Variants in CSMD3 observed in about 807,000 individuals in gnomAD.
The protein encoded by CSMD3 is CUB and sushi domain-containing protein 3.
A neutral mutation model predicts 435.2 loss-of-function variants in CSMD3; 177 were observed. That is an observed-to-expected ratio of 0.41 (90% CI 0.36 to 0.46). The LOEUF is 0.46. Ranked by LOEUF, CSMD3 falls within the 20% of genes least tolerant of loss-of-function variation. The pLI is 0.34. For synonymous variants in CSMD3, 1,656 were observed against 1,520.5 expected, an observed-to-expected ratio of 1.09 and a Z score of -2.07; for missense variants, 4,265 against 4,504.6, an observed-to-expected ratio of 0.95 and a Z score of 1.52.
intron 1 of CSMD3, among the ~76,000 whole-genome samples, chr8:113,368,932 G>A (rs1301453077): frequency 2.0e-5 from 3 of 151,982 alleles, no homozygotes; most frequent in African/African-American, 4.8e-5. Flanking sequence ...ACCAAGGAAC[G>A]GTGGGTTTGT....
At chr8:112,612,845 G>C (rs568202283) in intron 22 of CSMD3, among the ~76,000 whole-genome samples, 1 of 149,472 alleles carries the variant, frequency 6.7e-6, no homozygotes, top group South Asian at 2.1e-4. Context: ...AGCTTCCAGA[G>C]ACACCGAAAT....
At chr8:113,272,269 G>A (rs571503362) in intron 3 of CSMD3, among the ~76,000 whole-genome samples, 2 of 152,234 alleles carry the variant, frequency 1.3e-5, no homozygotes, top group South Asian at 4.1e-4. Flanking sequence ...GTGAGATTCG[G>A]AGGGGCAAAG....
intron 4 of CSMD3, among the ~76,000 whole-genome samples, chr8:113,116,513 G>T (rs1245420591): frequency 6.6e-6 from 1 of 152,100 alleles, no homozygotes; most frequent in Non-Finnish European, 1.5e-5. Context: ...TTTATTAGCA[G>T]CATGAGAACA....
chr8:113,195,791 T>TTATATATATA lies in CSMD3; in HGVS notation c.515-21885_515-21876dup, dbSNP rs749886578. On this transcript the variant is annotated intron_variant, in intron 3 of 70. Coordinates refer to ENST00000297405, the MANE Select transcript of CSMD3 (RefSeq NM_198123.2). ...ATATATAATATTCATATCCTATATT[T>TTATATATATA]TATATATATATATATATATATATAC... is the stretch of plus-strand genomic sequence containing the variant. 9.2e-3 allele frequency among the ~76,000 whole-genome samples: 1,158 copies of TTATATATATA among 125,920 alleles called. 11 individuals carry two copies. The highest frequency in any genetic ancestry group is 0.031 in the African/African-American group (987 of 32,142). The allele number at this position is 125,920 out of a possible 152,430, so 82.6% of individuals were successfully genotyped here. A position where few individuals can be genotyped will look rare whatever the true frequency, so the allele number is the denominator to read the frequency against.
At chr8:112,269,080 C>G (rs1382363960) in intron 59 of CSMD3, among the ~76,000 whole-genome samples, 1 of 152,096 alleles carries the variant, frequency 6.6e-6, no homozygotes, top group Admixed American at 6.6e-5. Context: ...TCCAAATGTC[C>G]CCTGGGAAGC....
At chr8:112,946,724 C>T (rs1317866347) in intron 9 of CSMD3, among the ~76,000 whole-genome samples, 1 of 151,658 alleles carries the variant, frequency 6.6e-6, no homozygotes, top group Admixed American at 6.6e-5. Context: ...TTTTGAATTT[C>T]TCTTTAGTGT....
chr8:112,529,718 A>G (rs755037187), intron 27 of CSMD3, among the ~76,000 whole-genome samples: 1 of 152,116 alleles, frequency 6.6e-6, no homozygotes, highest in East Asian at 1.9e-4. Flanking sequence ...AGAGTCTGGG[A>G]AGACGGGATG....
chr8:112,410,688 GTATATATATATGTGTA>G (rs1563913552), intron 32 of CSMD3, among the ~76,000 whole-genome samples: 234 of 124,328 alleles, frequency 1.9e-3, no homozygotes, highest in East Asian at 4.6e-3. Flanking sequence ...ATATATATAT[GTATATATATATGTGTA>G]TATATATATA....
chr8:112,556,591 G>C (rs1270875527), intron 25 of CSMD3, among the ~76,000 whole-genome samples, 172 bp downstream of exon 25: 2 of 151,850 alleles, frequency 1.3e-5, no homozygotes, highest in African/African-American at 4.8e-5. Context: ...GTTATGAAAA[G>C]GACCTTTTCA....
At chr8:112,399,462 G>A (rs1029134051) in intron 35 of CSMD3, among the ~76,000 whole-genome samples, 4 of 151,876 alleles carry the variant, frequency 2.6e-5, no homozygotes, top group Non-Finnish European at 4.4e-5. Flanking sequence ...ATTTCCCATT[G>A]GCCAGACTGG....
chr8:112,503,894 T>C lies in CSMD3; in HGVS notation c.4979A>G (p.Asp1660Gly). ...TTCTATTCTCTCTGGTAACTTGCTG[T>C]CTTGAAAACTTCCAATCAGTGGGCT... The part of the protein sequence containing the change: ...SNSPLIGSFQ[D>G]SKLPERIESS... The change falls in exon 30 of 71, where the codon GAC becomes GGC. Residue 1660 changes from aspartate (D) to glycine (G), a missense_variant. Physicochemically the swap from Asp to Gly is moderately conservative, Grantham distance 94 (BLOSUM62 -1). This residue lies in a region of CSMD3 where 3,255 missense variants were observed against 3,380.2 expected (regional missense o/e 0.96). Coordinates refer to ENST00000297405, the MANE Select transcript of CSMD3 (RefSeq NM_198123.2). 1 of 1,612,924 alleles carries C rather than the reference T, an allele frequency of 6.2e-7. No homozygotes were observed. The highest frequency in any genetic ancestry group is 8.5e-7 in the Non-Finnish European group (1 of 1,179,188).
At chr8:112,298,485 A>G (rs1820561732) in intron 53 of CSMD3, among the ~76,000 whole-genome samples, 2 of 152,164 alleles carry the variant, frequency 1.3e-5, no homozygotes, top group South Asian at 4.1e-4. Flanking sequence ...CAAAAATGAT[A>G]GACTTTACCA....
intron 1 of CSMD3, among the ~76,000 whole-genome samples, chr8:113,355,751 C>CATATAT (rs2094220673): frequency 1.1e-5 from 1 of 88,466 alleles, no homozygotes; most frequent in East Asian, 6.7e-4. Flanking sequence ...TATATATATA[C>CATATAT]ACACACACAC....
chr8:112,324,138 C>G (rs1247585832), intron 45 of CSMD3, among the ~76,000 whole-genome samples: 1 of 151,972 alleles, frequency 6.6e-6, no homozygotes, highest in African/African-American at 2.4e-5. Context: ...GATCATTACC[C>G]TAATTCTCAT....
At chr8:112,298,025 T>C (rs867053326) in intron 53 of CSMD3, among the ~76,000 whole-genome samples, 1 of 105,590 alleles carries the variant, frequency 9.5e-6, no homozygotes, top group Non-Finnish European at 1.9e-5. Context: ...AATTTAGCAA[T>C]AGCACATTCT....
chr8:113,008,563 A>T (rs1487291200), intron 6 of CSMD3, among the ~76,000 whole-genome samples: 1 of 151,660 alleles, frequency 6.6e-6, no homozygotes, highest in East Asian at 1.9e-4. Flanking sequence ...AATTAATCTT[A>T]ATTTTAATTT....
intron 58 of CSMD3, among the ~76,000 whole-genome samples, chr8:112,281,975 C>A (rs558749503): frequency 5.3e-5 from 8 of 152,038 alleles, no homozygotes; most frequent in Admixed American, 2.0e-4. Flanking sequence ...ACACGAATGT[C>A]TTTTTATGAT....
intron 22 of CSMD3, among the ~76,000 whole-genome samples, chr8:112,613,289 A>T (rs897486674): frequency 4.0e-5 from 6 of 151,516 alleles, no homozygotes; most frequent in African/African-American, 1.5e-4. Context: ...TTTTGTTTTC[A>T]TTTTTTTGGT....
At chr8:112,497,044 T>C (rs888869792) in intron 30 of CSMD3, among the ~76,000 whole-genome samples, 1 of 152,150 alleles carries the variant, frequency 6.6e-6, no homozygotes, top group African/African-American at 2.4e-5. Flanking sequence ...TGTATACCTG[T>C]ATCAAAATAT....
Sources: allele counts gnomAD v4.1 joint callset (sites outside exome capture counted in the v4.1 genomes callset), GRCh38; gene constraint gnomAD v4.1.1; regional missense constraint gnomAD v4.1.1; transcripts MANE v1.5; gene names NCBI Gene and HGNC (gene_info 2026-07-23, HGNC 2026-07-21).